The following CCDC125 variants were observed in gnomAD, a reference collection of about 807,000 sequenced individuals.
CCDC125 encodes coiled-coil domain containing 125.
In CCDC125, 43 loss-of-function variants were observed where a neutral mutation model predicts 57.4. That is an observed-to-expected ratio of 0.75 (90% confidence interval 0.59 to 0.97). The LOEUF (loss-of-function observed/expected upper bound fraction) is 0.97. CCDC125 is among the 50% of genes least tolerant of loss of function. The probability of loss-of-function intolerance (pLI) is 0.00; values close to 1 mark genes in which losing one functional copy is unlikely to be tolerated. For missense variants in CCDC125, 563 were observed against 595.7 expected (o/e 0.95, Z 0.57); for synonymous variants, 187 against 195.2 (o/e 0.96, Z 0.35).
At chr5:69,329,612 C>T (rs1761168408) in intron 1 of CCDC125, among the ~76,000 whole-genome samples, 1 of 149,250 alleles carries the variant, frequency 6.7e-6, no homozygotes, top group African/African-American at 2.5e-5. Context: ...AAGTGATTCT[C>T]CCACCTCAGC....
intron 7 of CCDC125, among the ~76,000 whole-genome samples, chr5:69,302,579 G>T (rs191388555): frequency 6.6e-6 from 1 of 151,738 alleles, no homozygotes; most frequent in East Asian, 1.9e-4. Flanking sequence ...ACAAAAATTA[G>T]CTGGGTGTGG....
chr5:69,292,139 A>C, intron 10 of CCDC125, 49 bp downstream of exon 10: 1 of 1,495,188 alleles, frequency 6.7e-7, no homozygotes, highest in Non-Finnish European at 9.1e-7. Flanking sequence ...GATTATAAAC[A>C]AAACAACTAA....
At chr5:69,273,129 A>G in the CCDC125 span, 4 of 935,774 alleles carry the variant, frequency 4.3e-6, no homozygotes, top group Admixed American at 5.9e-5. Context: ...TAAAATTAAC[A>G]TTTTTTAAAT....
At chr5:69,290,192 C>T (rs937386149) in intron 10 of CCDC125, among the ~76,000 whole-genome samples, 22 of 151,930 alleles carry the variant, frequency 1.4e-4, no homozygotes, top group Admixed American at 9.8e-4. Flanking sequence ...CTAAAATTCA[C>T]GACAGCTGAC....
chr5:69,315,486 GTGGCTC>G (rs1758915519), intron 2 of CCDC125, among the ~76,000 whole-genome samples: 1 of 135,728 alleles, frequency 7.4e-6, no homozygotes, highest in Admixed American at 7.8e-5. Flanking sequence ...GCCAGGTGTG[GTGGCTC>G]ACACCTGTAA....
At chr5:69,275,554 C>T (rs1013666071), downstream of CCDC125, among the ~76,000 whole-genome samples, 2 of 152,086 alleles carry the variant, frequency 1.3e-5, no homozygotes, top group African/African-American at 4.8e-5. Context: ...CTGAAATGCT[C>T]CAAAATCCAA....
At chr5:69,303,759 C>A in intron 7 of CCDC125, 88 bp downstream of exon 7, 1 of 714,210 alleles carries the variant, frequency 1.4e-6, no homozygotes, top group Non-Finnish European at 2.3e-6. Context: ...CATTTCTCCC[C>A]TCTATTATAC....
At chr5:69,319,021 G>A (rs995171331) in intron 2 of CCDC125, among the ~76,000 whole-genome samples, 9 of 150,984 alleles carry the variant, frequency 6.0e-5, no homozygotes, top group South Asian at 4.2e-4. Context: ...TCCACCTCCC[G>A]GGTTCAAGCA....
intron 1 of CCDC125, among the ~76,000 whole-genome samples, chr5:69,329,250 G>A (rs539303341): frequency 3.9e-5 from 6 of 152,008 alleles, no homozygotes; most frequent in African/African-American, 7.2e-5. Context: ...CTGCAGCCTC[G>A]ACCTCTGGGC....
chr5:69,276,475 G>T, downstream of CCDC125: 1 of 1,399,140 alleles, frequency 7.1e-7, no homozygotes, highest in South Asian at 1.2e-5. Flanking sequence ...TAATCTTGAA[G>T]GTAAGATTTT....
chr5:69,304,055 A>T, intron 6 of CCDC125, 126 bp from the exon 7 acceptor site: 2 of 568,164 alleles, frequency 3.5e-6, no homozygotes, highest in East Asian at 3.1e-5. Context: ...AATAGTCTGG[A>T]ATTTACACGT....
At chr5:69,304,928 T>C (rs1273552588) in intron 6 of CCDC125, among the ~76,000 whole-genome samples, 2 of 151,840 alleles carry the variant, frequency 1.3e-5, no homozygotes, top group Admixed American at 6.6e-5. Context: ...ACATTGGTTA[T>C]AAAAAATGTA....
At chr5:69,298,166 C>T (rs1350337809) in intron 8 of CCDC125, among the ~76,000 whole-genome samples, 1 of 151,860 alleles carries the variant, frequency 6.6e-6, no homozygotes, top group Non-Finnish European at 1.5e-5. Flanking sequence ...CAGGCATACG[C>T]CACTACGCCC....
intron 4 of CCDC125, 38 bp downstream of exon 4, chr5:69,311,080 A>C: frequency 7.7e-7 from 1 of 1,303,514 alleles, no homozygotes; most frequent in Non-Finnish European, 1.1e-6. Context: ...TTATTATTGG[A>C]ATGTGTAAAT....
chr5:69,322,601 C>T (rs576050498), intron 1 of CCDC125, among the ~76,000 whole-genome samples: 60 of 151,326 alleles, frequency 4.0e-4, no homozygotes, highest in Non-Finnish European at 6.8e-4. Context: ...CTTGCTCTGT[C>T]GCCCAGGCTG....
intron 1 of CCDC125, among the ~76,000 whole-genome samples, chr5:69,324,253 T>C (rs1050529099): frequency 1.3e-5 from 2 of 152,348 alleles, no homozygotes; most frequent in South Asian, 2.1e-4. Context: ...GATACATGGA[T>C]GGAAAGATGC....
At position 69,311,148 on chromosome 5, in the gene CCDC125, T is replaced by C. The variant is rs1383021515; in HGVS notation, c.423A>G (p.Lys141=). Residue 141 remains lysine, a synonymous_variant, in exon 4 of 12, where the codon AAA becomes AAG. Transcript: ENST00000396496. ...TTTGAAGAATTTTCAATGCTTCCTCTTTACCTCTGAGTTGTCTTTGAGATG... is the reference window on the plus strand; with the variant it reads ...TTTGAAGAATTTTCAATGCTTCCTCCTTACCTCTGAGTTGTCTTTGAGATG... ...LEASQRQLRG[K]EEALKILQSM... The C allele has an allele frequency of 1.9e-6, 3 of 1,611,492 alleles. No individual in the cohort carries two copies. The Admixed American group carries it at 5.0e-5, about 27-fold the overall frequency.
rs1462016159 is a variant in CCDC125, at chr5:69,281,496, G to C, written c.*1233C>G. On this transcript the variant is annotated 3_prime_UTR_variant, in exon 12 of 12. Coordinates refer to ENST00000396496, the MANE Select transcript of CCDC125 (RefSeq NM_176816.5). ...GAAAAGAGCTGTTAAGCACTTTGTA[G>C]ACTTGGCTACAAATCTGTGCAGATT... 6.6e-6 allele frequency: 1 copy of C among 152,146 alleles called. No individual in the cohort carries two copies. Among genetic ancestry groups the C allele is most frequent in the African/African-American group, 2.4e-5 (1 of 41,424 alleles). The allele number at this position is 152,146 out of a possible 1,614,324, so 9.4% of individuals were successfully genotyped here.
chr5:69,311,385 T>C (rs1758112590), intron 3 of CCDC125, among the ~76,000 whole-genome samples, 181 bp from the exon 4 acceptor site: 1 of 152,158 alleles, frequency 6.6e-6, no homozygotes, highest in African/African-American at 2.4e-5. Flanking sequence ...GGCAAGGTGG[T>C]GTGACCTGTA....
Sources: allele counts gnomAD v4.1 joint callset (sites outside exome capture counted in the v4.1 genomes callset), GRCh38; gene constraint gnomAD v4.1.1; transcripts MANE v1.5; gene names NCBI Gene and HGNC (gene_info 2026-07-23, HGNC 2026-07-21).